Variants in ZMYM2 observed in about 807,000 individuals in gnomAD.
ZMYM2 encodes the protein zinc finger MYM-type containing 2.
In ZMYM2, 56 loss-of-function variants were observed where a neutral mutation model predicts 162.8. The observed-to-expected ratio is 0.34, with a 90% CI of 0.28 to 0.43. The LOEUF is 0.43. ZMYM2 is among the 20% of genes least tolerant of loss of function. The probability of loss-of-function intolerance (pLI) is 1.00; values close to 1 mark genes in which losing one functional copy is unlikely to be tolerated. For synonymous variants in ZMYM2, 510 were observed against 541.6 expected (o/e 0.94, Z 0.81); for missense variants, 1,275 against 1,621.8 (o/e 0.79, Z 3.67).
intron 3 of ZMYM2, among the ~76,000 whole-genome samples, chr13:19,996,560 CAACTA>C (rs1007990002): frequency 2.6e-5 from 4 of 152,084 alleles, no homozygotes; most frequent in Non-Finnish European, 5.9e-5. Context: ...AACCCCATCT[CAACTA>C]AAATACAAAA....
intron 1 of ZMYM2, 80 bp downstream of exon 1, chr13:19,958,921 A>AGGAGGC (rs1197601843): frequency 1.3e-4 from 20 of 151,666 alleles, no homozygotes; most frequent in Admixed American, 4.6e-4. Flanking sequence ...CCTCCGGAGG[A>AGGAGGC]GGAGGCGGAG....
At chr13:20,077,023 T>G (rs1957555159) in intron 21 of ZMYM2, among the ~76,000 whole-genome samples, 3 of 150,300 alleles carry the variant, frequency 2.0e-5, no homozygotes, top group Admixed American at 6.6e-5. Context: ...AGAGACAGGG[T>G]TTCACCGTGT....
At chr13:20,031,864 T>TG (rs1953175885) in intron 10 of ZMYM2, among the ~76,000 whole-genome samples, 2 of 55,198 alleles carry the variant, frequency 3.6e-5, no homozygotes, top group African/African-American at 1.1e-4. Context: ...ATTCTGTAAT[T>TG]GTTTTTTTTT....
intron 2 of ZMYM2, chr13:19,969,967 A>G (rs45600832): frequency 0.011 from 9,492 of 863,912 alleles, 65 homozygotes; most frequent in Non-Finnish European, 0.012. Flanking sequence ...CCTGAAGTCT[A>G]CCTTATTGGA....
chr13:19,925,299 C>G, the ZMYM2 span, among the ~76,000 whole-genome samples: 3 of 152,156 alleles, frequency 2.0e-5, no homozygotes, highest in African/African-American at 7.2e-5. Context: ...TAAAGGACTT[C>G]TTTTATAGCT....
At chr13:20,042,728 T>A (rs12020620) in intron 12 of ZMYM2, among the ~76,000 whole-genome samples, 3,939 of 152,068 alleles carry the variant, frequency 0.026, 115 homozygotes, top group East Asian at 0.13. Context: ...ATTATTATTT[T>A]TTTTTATTTT....
In ZMYM2 at chr13:19,980,477, C is replaced by T. The variant is rs921881627; in HGVS notation, c.-10-12586C>T. ...TAGAATTTTCCTGTTCTTGGCTGGG[C>T]GTCATGGCTCACGCTTACAATCCCA... On this transcript the variant is annotated intron_variant, in intron 2 of 24. Coordinates refer to ENST00000610343, the MANE Select transcript of ZMYM2 (RefSeq NM_197968.4). Among the ~76,000 whole-genome samples, 7 of 151,794 alleles carry T rather than the reference C, an allele frequency of 4.6e-5. No individual in the cohort carries two copies. The East Asian group carries it at 5.8e-4, about 13-fold the overall frequency.
chr13:19,888,845 C>T, the ZMYM2 span, among the ~76,000 whole-genome samples: 2 of 151,718 alleles, frequency 1.3e-5, no homozygotes, highest in South Asian at 2.1e-4. Flanking sequence ...GTGATCCACC[C>T]GCCACGGCCT....
intron 12 of ZMYM2, among the ~76,000 whole-genome samples, chr13:20,039,875 G>C (rs796714799): frequency 6.6e-6 from 1 of 152,174 alleles, no homozygotes; most frequent in African/African-American, 2.4e-5. Context: ...CTGTTTATGT[G>C]ATGAATCACA....
At position 20,087,025 on chromosome 13, in the gene ZMYM2, G is replaced by C. The variant is rs775441727; in HGVS notation, c.*1011G>C. ...ACTTAGCAATTTTATCAGAATTCTT[G>C]TGCCTGTTTACATTGGATAAAATTG... On this transcript the variant is annotated 3_prime_UTR_variant, in exon 25 of 25. Transcript: ENST00000610343. The C allele has an allele frequency of 5.5e-6, 1 of 182,810 alleles. No individual in the cohort carries two copies. Among genetic ancestry groups the C allele is most frequent in the Admixed American group, 6.3e-5 (1 of 15,862 alleles). The allele number at this position is 182,810 out of a possible 1,614,324, so 11.3% of individuals were successfully genotyped here.
intron 3 of ZMYM2, among the ~76,000 whole-genome samples, chr13:20,002,407 G>A (rs543828164): frequency 5.3e-5 from 8 of 152,244 alleles, no homozygotes; most frequent in East Asian, 3.9e-4. Context: ...CATTTCAGGC[G>A]CTCTGAAGAG....
chr13:19,929,492 C>G, the ZMYM2 span, among the ~76,000 whole-genome samples: 1 of 152,164 alleles, frequency 6.6e-6, no homozygotes, highest in Non-Finnish European at 1.5e-5. Context: ...CCCGCCTCGA[C>G]CTCCCAAAGT....
chr13:20,002,222 A>T (rs1294470833), intron 3 of ZMYM2, among the ~76,000 whole-genome samples: 1 of 152,218 alleles, frequency 6.6e-6, no homozygotes, highest in African/African-American at 2.4e-5. Context: ...TTAGGATTTT[A>T]TTATTATTTA....
the ZMYM2 span, among the ~76,000 whole-genome samples, chr13:19,884,606 G>T: frequency 6.6e-6 from 1 of 152,010 alleles, no homozygotes; most frequent in Non-Finnish European, 1.5e-5. Context: ...TCCTCACGGT[G>T]AGTATTACAG....
At chr13:19,912,113 T>C in the ZMYM2 span, among the ~76,000 whole-genome samples, 1 of 152,180 alleles carries the variant, frequency 6.6e-6, no homozygotes, top group Non-Finnish European at 1.5e-5. Flanking sequence ...CATCTCCTGG[T>C]AACTGGTATG....
chr13:19,947,519 G>A, the ZMYM2 span, among the ~76,000 whole-genome samples: 3,945 of 147,784 alleles, frequency 0.027, 77 homozygotes, highest in Non-Finnish European at 0.038. Flanking sequence ...GGAGTGCAAT[G>A]CATGATCTTG....
At chr13:20,008,997 A>C (rs913843981) in intron 6 of ZMYM2, among the ~76,000 whole-genome samples, 3 of 152,130 alleles carry the variant, frequency 2.0e-5, no homozygotes, top group Non-Finnish European at 4.4e-5. Flanking sequence ...CAGGTCTTCA[A>C]AAACCAGGGA....
the ZMYM2 span, among the ~76,000 whole-genome samples, chr13:19,873,974 C>G: frequency 2.6e-5 from 4 of 152,198 alleles, no homozygotes; most frequent in African/African-American, 4.8e-5. Context: ...GTGCGTTGGG[C>G]AAGGACTTCA....
chr13:19,958,239 G>T (rs900045925), upstream of ZMYM2, among the ~76,000 whole-genome samples: 1 of 152,186 alleles, frequency 6.6e-6, no homozygotes, highest in Non-Finnish European at 1.5e-5. Flanking sequence ...TCAAGCAACT[G>T]GACAGGGAGG....
Sources: allele counts gnomAD v4.1 joint callset (sites outside exome capture counted in the v4.1 genomes callset), GRCh38; gene constraint gnomAD v4.1.1; transcripts MANE v1.5; gene names NCBI Gene and HGNC (gene_info 2026-07-23, HGNC 2026-07-21).